KCNH7: variants seen among roughly 807,000 people sequenced by gnomAD.
KCNH7 encodes voltage-gated inwardly rectifying potassium channel KCNH7.
In KCNH7, 49 loss-of-function variants were observed where a neutral mutation model predicts 120.8. That is an observed-to-expected ratio of 0.41 (90% CI 0.32 to 0.51). The LOEUF (loss-of-function observed/expected upper bound fraction) is 0.51. Ranked by LOEUF, KCNH7 falls within the 20% of genes least tolerant of loss-of-function variation. The probability of loss-of-function intolerance (pLI) is 0.38; values close to 1 mark genes in which losing one functional copy is unlikely to be tolerated. For synonymous variants in KCNH7, 547 were observed against 516.1 expected, an observed-to-expected ratio of 1.06 and a Z score of -0.81; for missense variants, 1,097 against 1,446.6, an observed-to-expected ratio of 0.76 and a Z score of 3.92.
intron 2 of KCNH7, among the ~76,000 whole-genome samples, chr2:162,551,569 C>A (rs1004206414): frequency 2.6e-5 from 4 of 151,360 alleles, no homozygotes; most frequent in African/African-American, 9.7e-5. Flanking sequence ...AACTAGAGAA[C>A]AAATATGATC....
chr2:162,835,628 A>T (rs994196997), intron 2 of KCNH7, among the ~76,000 whole-genome samples: 1 of 151,696 alleles, frequency 6.6e-6, no homozygotes, highest in South Asian at 2.1e-4. Flanking sequence ...ATAGATATAT[A>T]TAGATATAGA....
intron 2 of KCNH7, among the ~76,000 whole-genome samples, chr2:162,592,415 GA>G (rs1694240837): frequency 6.6e-6 from 1 of 151,956 alleles, no homozygotes; most frequent in South Asian, 2.1e-4. Flanking sequence ...GGGGAGGATG[GA>G]AAAGCAAGGG....
intron 15 of KCNH7, 100 bp from the exon 16 acceptor site, chr2:162,372,195 A>G (rs1685975297): frequency 1.0e-6 from 1 of 992,602 alleles, no homozygotes; most frequent in South Asian, 1.7e-5. Flanking sequence ...TTCCTCATTA[A>G]TCTATATTTG....
At chr2:162,597,695 T>C (rs573319427) in intron 2 of KCNH7, among the ~76,000 whole-genome samples, 1 of 152,224 alleles carries the variant, frequency 6.6e-6, no homozygotes, top group African/African-American at 2.4e-5. Context: ...GAATGGATTT[T>C]AAATGTTCTC....
chr2:162,732,426 A>T (rs949883105), intron 2 of KCNH7, among the ~76,000 whole-genome samples: 2 of 152,112 alleles, frequency 1.3e-5, no homozygotes, highest in African/African-American at 2.4e-5. Flanking sequence ...AAGGTATACT[A>T]CCTTAGAGTT....
chr2:162,508,755 C>T (rs1046536128), intron 5 of KCNH7, among the ~76,000 whole-genome samples: 4 of 151,314 alleles, frequency 2.6e-5, no homozygotes, highest in African/African-American at 9.7e-5. Flanking sequence ...TTCAGAGAGG[C>T]CTTGGTTGAG....
chr2:162,642,974 T>C (rs975091827), intron 2 of KCNH7, among the ~76,000 whole-genome samples: 2 of 152,150 alleles, frequency 1.3e-5, no homozygotes, highest in African/African-American at 2.4e-5. Flanking sequence ...AAAGAATGCA[T>C]ATGGTTTGAG....
At position 162,708,617 on chromosome 2, in the gene KCNH7, C is replaced by T. The variant is rs145424640; in HGVS notation, c.307+127920G>A. 6.3e-3 allele frequency among the ~76,000 whole-genome samples: 959 copies of T among 151,946 alleles called. 16 individuals are homozygous for T. Among genetic ancestry groups the T allele is most frequent in the African/African-American group, 0.022 (898 of 41,448 alleles). On this transcript the variant is annotated intron_variant, in intron 2 of 15. Transcript: ENST00000332142. ...TAAGTGAAAGGATTTAGGGGTGAAA[C>T]GAGGGCTTCTGGGAGGATTAAAGAT...
At chr2:162,613,969 T>A (rs888721625) in intron 2 of KCNH7, among the ~76,000 whole-genome samples, 1 of 150,822 alleles carries the variant, frequency 6.6e-6, no homozygotes, top group East Asian at 1.9e-4. Context: ...TTTTTTTTAA[T>A]ATAAACAGAG....
intron 6 of KCNH7, among the ~76,000 whole-genome samples, chr2:162,471,713 T>C (rs1289716327): frequency 1.3e-5 from 2 of 152,186 alleles, no homozygotes; most frequent in Non-Finnish European, 2.9e-5. Flanking sequence ...CCAATGACTT[T>C]CTTCACAGAA....
At chr2:162,576,835 T>G (rs1256874749) in intron 2 of KCNH7, among the ~76,000 whole-genome samples, 1 of 152,042 alleles carries the variant, frequency 6.6e-6, no homozygotes, top group Non-Finnish European at 1.5e-5. Context: ...GGTAGAACTA[T>G]GAAGAACAGA....
At chr2:162,519,397 T>A (rs895501013) in intron 3 of KCNH7, among the ~76,000 whole-genome samples, 2 of 151,850 alleles carry the variant, frequency 1.3e-5, no homozygotes, top group African/African-American at 2.4e-5. Flanking sequence ...TGTGTTCACA[T>A]AATTTTCATC....
chr2:162,579,524 C>T (rs1339673086), intron 2 of KCNH7, among the ~76,000 whole-genome samples: 2 of 152,030 alleles, frequency 1.3e-5, no homozygotes, highest in Admixed American at 6.6e-5. Context: ...ACTCGTTAAC[C>T]TCCCTAGTGT....
At chr2:162,763,751 G>A (rs1351688593) in intron 2 of KCNH7, among the ~76,000 whole-genome samples, 2 of 151,178 alleles carry the variant, frequency 1.3e-5, no homozygotes, top group Non-Finnish European at 3.0e-5. Flanking sequence ...GTGTGTGTGT[G>A]TGTGTGTGTG....
rs141319310 is a variant in KCNH7 at position 162,394,347 on chromosome 2, C to T, written c.2710+42G>A. 1.1e-4 allele frequency: 122 copies of T among 1,115,166 alleles called. No homozygotes were observed. The African/African-American group carries it at 1.8e-3, about 16-fold the overall frequency. 69.1% of individuals were successfully genotyped at this position (1,115,166 alleles called of 1,614,324 possible). A position where few individuals can be genotyped will look rare whatever the true frequency, so the allele number is the denominator to read the frequency against. On this transcript the variant is annotated intron_variant, in intron 12 of 15. Coordinates refer to ENST00000332142, the MANE Select transcript of KCNH7 (RefSeq NM_033272.4). ...AACATTTAAGTAAGAAGGCTAATTA[C>T]CACATGCTCTACATTTAAACTTTAG...
At chr2:162,790,430 T>G (rs1449894246) in intron 2 of KCNH7, among the ~76,000 whole-genome samples, 1 of 152,016 alleles carries the variant, frequency 6.6e-6, no homozygotes, top group Non-Finnish European at 1.5e-5. Context: ...TAATACTAAT[T>G]CTTCTCAAAC....
chr2:162,623,058 T>A (rs1306273129), intron 2 of KCNH7, among the ~76,000 whole-genome samples: 1 of 152,118 alleles, frequency 6.6e-6, no homozygotes, highest in Non-Finnish European at 1.5e-5. Context: ...TGGGTAGAAT[T>A]TAGACAGATT....
rs185613178 is a variant in KCNH7, at chr2:162,523,947, C to T, written c.464-5789G>A. Among the ~76,000 whole-genome samples, 37 of 151,888 alleles carry T rather than the reference C, an allele frequency of 2.4e-4. 1 individual carries two copies. The highest frequency in any genetic ancestry group is 2.2e-3 in the Admixed American group (34 of 15,230). ...TGAAAAGTAGAGGGAAACTTAAGTT[C>T]AAGTAGTCAAGCAAATTAGACACCA... On this transcript the variant is annotated intron_variant, in intron 3 of 15. Coordinates refer to ENST00000332142, the MANE Select transcript of KCNH7 (RefSeq NM_033272.4).
At chr2:162,777,553 A>G (rs926417055) in intron 2 of KCNH7, among the ~76,000 whole-genome samples, 1 of 152,150 alleles carries the variant, frequency 6.6e-6, no homozygotes, top group African/African-American at 2.4e-5. Flanking sequence ...TGAGGAGACG[A>G]ATATATGTTG....
Sources: allele counts gnomAD v4.1 joint callset (sites outside exome capture counted in the v4.1 genomes callset), GRCh38; gene constraint gnomAD v4.1.1; transcripts MANE v1.5; gene names NCBI Gene and HGNC (gene_info 2026-07-23, HGNC 2026-07-21).